CDC34: variants seen among roughly 807,000 people sequenced by gnomAD.
CDC34 encodes the protein ubiquitin-conjugating enzyme E2 R1.
Under a neutral mutation model 26.8 loss-of-function variants are expected in CDC34, and 18 were observed. That is an observed-to-expected ratio of 0.67 (90% confidence interval 0.47 to 1.00). The LOEUF (loss-of-function observed/expected upper bound fraction) is 1.00. Among genes scored for constraint, CDC34 ranks in the 50% least tolerant of loss-of-function variants. CDC34 has a pLI of 0.00. For synonymous variants in CDC34, 178 were observed against 147.5 expected (o/e 1.21, Z -1.50); for missense variants, 280 against 334.5 (o/e 0.84, Z 1.27).
chr19:538,181 T>C lies in CDC34; in HGVS notation c.497+1034T>C, dbSNP rs1221724332. On this transcript the variant is annotated intron_variant, in intron 4 of 4. Transcript: ENST00000215574. Reference sequence around the variant, plus strand: ...TGAAAAAATGGGGTCGTGCTGTGTGTGCCCAGTGACTGACTGTTAGTCAGG... The same window carrying C: ...TGAAAAAATGGGGTCGTGCTGTGTGCGCCCAGTGACTGACTGTTAGTCAGG... 2.6e-5 allele frequency among the ~76,000 whole-genome samples: 4 copies of C among 152,236 alleles called. No homozygotes were observed. The East Asian group carries it at 7.7e-4, about 29-fold the overall frequency.
Position 536,297 on chromosome 19 carries a change from G to C in CDC34, c.319G>C (p.Gly107Arg). The change falls in exon 3 of 5, where the codon GGG (glycine) becomes CGG (arginine). Residue 107 changes from glycine (G) to arginine (R), a missense_variant. By Grantham distance (125) the Gly-to-Arg change is moderately radical. Coordinates refer to ENST00000215574, the MANE Select transcript of CDC34 (RefSeq NM_004359.2). ...CCCGCCGGTGGACGACCCCCAGAGC[G>C]GGGAGCTGCCCTCAGAGAGGTGGAA... ...LHPPVDDPQS[G>R]ELPSERWNPT... 1 of 1,612,384 alleles carries C rather than the reference G, an allele frequency of 6.2e-7. No individual in the cohort carries two copies.
intron 1 of CDC34, among the ~76,000 whole-genome samples, chr19:534,345 G>A (rs567309356): frequency 2.1e-5 from 3 of 143,332 alleles, no homozygotes; most frequent in African/African-American, 7.9e-5. Flanking sequence ...GGAGGGGCCC[G>A]TCCACGATCC....
chr19:534,246 G>C (rs957992484), intron 1 of CDC34, among the ~76,000 whole-genome samples: 18 of 152,002 alleles, frequency 1.2e-4, no homozygotes, highest in African/African-American at 4.3e-4. Context: ...CTGTGGCCGC[G>C]GCCAAGTCAC....
intron 2 of CDC34, 84 bp downstream of exon 2, chr19:536,007 C>A: frequency 7.4e-7 from 1 of 1,357,344 alleles, no homozygotes; most frequent in Non-Finnish European, 1.0e-6. Flanking sequence ...CCTTCCGGGA[C>A]CCGGGGCGCT....
chr19:538,693 A>C, intron 4 of CDC34: 1 of 985,100 alleles, frequency 1.0e-6, no homozygotes, highest in Non-Finnish European at 1.2e-6. Context: ...AGGAGCATCC[A>C]GGGCACCTTC....
rs1979494585 is a variant in CDC34, at chr19:531,778, G to C, written c.-154G>C. On this transcript the variant is annotated 5_prime_UTR_variant, in exon 1 of 5. Coordinates refer to ENST00000215574, the MANE Select transcript of CDC34 (RefSeq NM_004359.2). ...CGGCGCCAGAGCTGCTGGAGCGCTC[G>C]GGGTCCCCGGGCGGCGGCGGCGGCG... 2 of 210,144 alleles carry C rather than the reference G, an allele frequency of 9.5e-6. No homozygotes were observed. Among genetic ancestry groups the C allele is most frequent in the Non-Finnish European group, 1.7e-5 (2 of 119,682 alleles). The allele number at this position is 210,144 out of a possible 1,614,324, so 13.0% of individuals were successfully genotyped here.
At chr19:541,187 C>T (rs1163840184) in intron 4 of CDC34, 152 bp from the exon 5 acceptor site, 1 of 1,007,190 alleles carries the variant, frequency 9.9e-7, no homozygotes, top group East Asian at 2.7e-5. Flanking sequence ...CCTGGAGTTC[C>T]TCACGCACAG....
intron 4 of CDC34, chr19:538,633 T>C: frequency 2.3e-6 from 2 of 879,750 alleles, no homozygotes; most frequent in Non-Finnish European, 1.4e-6. Context: ...TAAAAACAAC[T>C]TTTAAAATAT....
intron 4 of CDC34, among the ~76,000 whole-genome samples, chr19:540,962 G>T (rs1053254244): frequency 5.3e-5 from 8 of 152,194 alleles, no homozygotes; most frequent in African/African-American, 1.9e-4. Flanking sequence ...CCTCCCAGCT[G>T]CTTCCTTTGC....
At chr19:539,845 A>T (rs556199614) in intron 4 of CDC34, among the ~76,000 whole-genome samples, 6 of 152,176 alleles carry the variant, frequency 3.9e-5, no homozygotes, top group Non-Finnish European at 7.3e-5. Context: ...AGCCGGGGGC[A>T]GGTTCCTCGT....
rs959727665 is a variant in CDC34, at chr19:536,533, C to G, written c.362+193C>G. 3 of 597,124 alleles carry G rather than the reference C, an allele frequency of 5.0e-6. No individual in the cohort carries two copies. The South Asian group carries it at 6.0e-5, about 12-fold the overall frequency. 37.0% of individuals were successfully genotyped at this position (597,124 alleles called of 1,614,324 possible). A position where few individuals can be genotyped will look rare whatever the true frequency, so the allele number is the denominator to read the frequency against. ...GTAGGTGCTTTCACGGGGCCTGCGG[C>G]ACCGTGTGTCGGTGCAGACTCCCAC... is the stretch of plus-strand genomic sequence containing the variant. On this transcript the variant is annotated intron_variant, in intron 3 of 4. Coordinates refer to ENST00000215574, the MANE Select transcript of CDC34 (RefSeq NM_004359.2).
At chr19:534,348 C>T (rs1979627222) in intron 1 of CDC34, among the ~76,000 whole-genome samples, 1 of 148,616 alleles carries the variant, frequency 6.7e-6, no homozygotes, top group African/African-American at 2.5e-5. Flanking sequence ...GGGGCCCGTC[C>T]ACGATCCAAG....
At chr19:535,550 C>T (rs981931943) in intron 1 of CDC34, among the ~76,000 whole-genome samples, 8 of 152,218 alleles carry the variant, frequency 5.3e-5, no homozygotes, top group African/African-American at 1.9e-4. Flanking sequence ...TGGAGCCACG[C>T]GGGCAGCCAG....
At chr19:535,633 C>T (rs1022761366) in intron 1 of CDC34, among the ~76,000 whole-genome samples, 1 of 152,224 alleles carries the variant, frequency 6.6e-6, no homozygotes, top group African/African-American at 2.4e-5. Flanking sequence ...GGGATCAGCT[C>T]GGGTGACTCA....
intron 3 of CDC34, 83 bp from the exon 4 acceptor site, chr19:536,930 G>A (rs375170465): frequency 4.3e-5 from 67 of 1,547,906 alleles, no homozygotes; most frequent in South Asian, 1.2e-4. Flanking sequence ...GGGTCCAGGC[G>A]TCCCCGTGAC....
chr19:541,156 C>T (rs1979993525), intron 4 of CDC34, 183 bp from the exon 5 acceptor site: 3 of 760,162 alleles, frequency 3.9e-6, no homozygotes, highest in Non-Finnish European at 6.0e-6. Context: ...TTCCCGAGCC[C>T]CCTCCTCTGT....
At chr19:534,251 A>T (rs576201874) in intron 1 of CDC34, among the ~76,000 whole-genome samples, 18 of 152,134 alleles carry the variant, frequency 1.2e-4, no homozygotes, top group Admixed American at 1.0e-3. Flanking sequence ...GCCGCGGCCA[A>T]GTCACTTGCC....
At chr19:538,505 C>T (rs911889784) in intron 4 of CDC34, among the ~76,000 whole-genome samples, 7 of 150,230 alleles carry the variant, frequency 4.7e-5, no homozygotes, top group Non-Finnish European at 3.0e-5. Flanking sequence ...GGTTCCTGCT[C>T]TTCCTGTTAC....
intron 3 of CDC34, 112 bp from the exon 4 acceptor site, chr19:536,901 T>C: frequency 7.9e-7 from 1 of 1,259,694 alleles, no homozygotes. Flanking sequence ...TGAGGCCAGG[T>C]GAAGGTCACC....
Sources: allele counts gnomAD v4.1 joint callset (sites outside exome capture counted in the v4.1 genomes callset), GRCh38; gene constraint gnomAD v4.1.1; transcripts MANE v1.5; gene names NCBI Gene and HGNC (gene_info 2026-07-23, HGNC 2026-07-21).